The following MTCL1 variants were observed in gnomAD, a reference collection of about 807,000 sequenced individuals.
The protein encoded by MTCL1 is microtubule cross-linking factor 1.
In MTCL1, 79 loss-of-function variants were observed where a neutral mutation model predicts 141.4. That is an observed-to-expected ratio of 0.56 (90% CI 0.47 to 0.67). The LOEUF (loss-of-function observed/expected upper bound fraction) is 0.67, where lower values mean the gene tolerates loss of function less well. Among genes scored for constraint, MTCL1 ranks in the 30% least tolerant of loss-of-function variants. MTCL1 has a pLI of 0.00. For missense variants in MTCL1, 2,177 were observed against 2,113.9 expected (o/e 1.03, Z -0.59); for synonymous variants, 914 against 875.8 (o/e 1.04, Z -0.77).
rs1198308831 is a variant in MTCL1, at chr18:8,724,524, C to T, written c.357+4028C>T. 5.3e-5 allele frequency among the ~76,000 whole-genome samples: 8 copies of T among 152,340 alleles called. 1 individual carries two copies. In the South Asian group the frequency reaches 8.3e-4, roughly 16 times the overall value. Reference sequence around the variant, plus strand: ...GCTGAAAGTGTAGGCTGACCATACACGTTGAATGTGTACACGATTTCTAGT... The same window carrying T: ...GCTGAAAGTGTAGGCTGACCATACATGTTGAATGTGTACACGATTTCTAGT... On this transcript the variant is annotated intron_variant, in intron 4 of 16. Coordinates refer to ENST00000359865, the Ensembl canonical transcript of MTCL1.
rs375222629 is a variant in MTCL1, at chr18:8,824,684, T to C, written c.3189-15T>C. ...CCCTGGCAGGTACTGACACCCTCTT[T>C]TCTGCTTTTCCCAGGGCGGTGTCCG... On this transcript the variant is annotated splice_polypyrimidine_tract_variant and intron_variant, in intron 14 of 16. Coordinates refer to ENST00000359865, the Ensembl canonical transcript of MTCL1. The C allele has an allele frequency of 1.5e-5, 24 of 1,594,122 alleles. No homozygotes were observed. Among genetic ancestry groups the C allele is most frequent in the Admixed American group, 3.4e-5 (2 of 58,880 alleles).
At position 8,824,753 on chromosome 18, in the gene MTCL1, C is replaced by T. The variant is rs767864602; in HGVS notation, c.3243C>T (p.Pro1081=). The T allele has an allele frequency of 1.7e-5, 28 of 1,614,124 alleles. No homozygotes were observed. The Middle Eastern group carries it at 1.2e-3, about 67-fold the overall frequency. ...TCCAGCGTCTAATGGACATCTCCCC[C>T]TTCCTGCCTGAGAAGGGCCTGCCGT... is the stretch of plus-strand genomic sequence containing the variant. Residue 1081 remains proline (P), a synonymous_variant, in exon 15 of 17, where the codon CCC becomes CCT. Transcript: ENST00000359865.
intron 4 of MTCL1, among the ~76,000 whole-genome samples, chr18:8,746,906 A>G (rs1027845212): frequency 1.3e-5 from 2 of 152,182 alleles, no homozygotes; most frequent in Non-Finnish European, 2.9e-5. Flanking sequence ...TCTATTCTCA[A>G]AGAAAGGAGA....
At chr18:8,718,674 C>T (rs200353696) in intron 3 of MTCL1, 26 bp downstream of exon 2, 4 of 1,605,442 alleles carry the variant, frequency 2.5e-6, no homozygotes, top group Admixed American at 1.7e-5. Context: ...GTGCGTGCAC[C>T]TCGCAAGGCT....
At chr18:8,739,717 T>TTTTG (rs910627624) in intron 4 of MTCL1, among the ~76,000 whole-genome samples, 7 of 119,162 alleles carry the variant, frequency 5.9e-5, no homozygotes, top group South Asian at 6.6e-4. Context: ...AAGGAGATTG[T>TTTTG]TTTGTTTGTT....
chr18:8,759,993 T>C (rs2096422568), intron 4 of MTCL1, among the ~76,000 whole-genome samples: 1 of 152,122 alleles, frequency 6.6e-6, no homozygotes, highest in Admixed American at 6.5e-5. Context: ...TGCTGTAAAG[T>C]AGGTCAGAAG....
chr18:8,755,150 C>T (rs1200797024), intron 4 of MTCL1, among the ~76,000 whole-genome samples: 1 of 152,226 alleles, frequency 6.6e-6, no homozygotes, highest in Non-Finnish European at 1.5e-5. Context: ...ATGGTAACTT[C>T]TTAATGCATA....
chr18:8,715,124 T>C (rs1193708713), upstream of MTCL1, among the ~76,000 whole-genome samples: 2 of 152,194 alleles, frequency 1.3e-5, no homozygotes, highest in Non-Finnish European at 2.9e-5. Context: ...ACAACTAATG[T>C]TGGTGATTAT....
rs183566178 is a variant in MTCL1, at chr18:8,828,323, C to T, written c.4723-585C>T. Reference sequence around the variant, plus strand: ...CTGCACTGTCATCCCATAAGCCACTCGGGCCTCTTTTTCTCTTGACACCAT... The same window carrying T: ...CTGCACTGTCATCCCATAAGCCACTTGGGCCTCTTTTTCTCTTGACACCAT... On this transcript the variant is annotated intron_variant, in intron 15 of 16. Coordinates refer to ENST00000359865, the Ensembl canonical transcript of MTCL1. The surrounding 1 kb of genome is among the most constrained non-coding windows in gnomAD (Gnocchi z 5.2). Among the ~76,000 whole-genome samples the T allele has an allele frequency of 3.3e-5, 5 of 152,294 alleles. No homozygotes were observed. The highest frequency in any genetic ancestry group is 1.9e-4 in the East Asian group (1 of 5,186).
chr18:8,722,220 T>C (rs2096177985), intron 4 of MTCL1, among the ~76,000 whole-genome samples: 1 of 152,104 alleles, frequency 6.6e-6, no homozygotes, highest in Admixed American at 6.5e-5. Flanking sequence ...TAGAAAATAG[T>C]TTACAGTTGA....
At chr18:8,809,515 G>T (rs1234078506) in intron 11 of MTCL1, 1 of 1,536,212 alleles carries the variant, frequency 6.5e-7, no homozygotes, top group Admixed American at 2.0e-5. Context: ...CTGCCAGCTG[G>T]GTCCACGGTA....
chr18:8,787,324 G>C (rs1397892288), intron 7 of MTCL1: 1 of 152,336 alleles, frequency 6.6e-6, no homozygotes, highest in Non-Finnish European at 1.5e-5. Context: ...CAGGTCTTCA[G>C]ATGAAGTCTC....
Position 8,705,781 on chromosome 18 carries a change from G to T in MTCL1, c.121G>T (p.Ala41Ser). 4 of 1,198,054 alleles carry T rather than the reference G, an allele frequency of 3.3e-6. No homozygotes were observed. The highest frequency in any genetic ancestry group is 4.1e-6 in the Non-Finnish European group (4 of 965,676). 74.2% of individuals were successfully genotyped at this position (1,198,054 alleles called of 1,614,324 possible). A position where few individuals can be genotyped will look rare whatever the true frequency, so the allele number is the denominator to read the frequency against. Reference sequence around the variant, plus strand: ...GGCCGAAAGGCGGCGGCTGCACCGTGCGCCCTCGCCCGCCAGACCCTTCCT... The same window carrying T: ...GGCCGAAAGGCGGCGGCTGCACCGTTCGCCCTCGCCCGCCAGACCCTTCCT... Residue 41 changes from alanine to serine, a missense_variant, in exon 1 of 14, where the codon GCG becomes TCG. Physicochemically the swap from Ala to Ser is moderately conservative, Grantham distance 99. Transcript: ENST00000306329. This position sits in a 1 kb window ranked among gnomAD's most constrained non-coding sequence, Gnocchi z 5.2.
chr18:8,739,429 C>CT (rs1226824931), intron 4 of MTCL1, among the ~76,000 whole-genome samples: 2 of 152,160 alleles, frequency 1.3e-5, no homozygotes, highest in African/African-American at 4.8e-5. Context: ...TATGAATGCG[C>CT]TTCCCCCTAA....
At chr18:8,829,882 A>G in intron 16 of MTCL1, 1 of 985,260 alleles carries the variant, frequency 1.0e-6, no homozygotes. Context: ...GATTCCCTTG[A>G]ATGCAGACTC....
intron 4 of MTCL1, among the ~76,000 whole-genome samples, chr18:8,758,787 G>T (rs1429444659): frequency 1.3e-5 from 2 of 152,152 alleles, no homozygotes; most frequent in Non-Finnish European, 2.9e-5. Flanking sequence ...ATAATGGGTG[G>T]CACAAGGAAA....
chr18:8,706,393 C>A, exon 1 of MTCL1: 2 of 1,229,350 alleles, frequency 1.6e-6, no homozygotes, highest in Admixed American at 8.5e-5. Flanking sequence ...CGACCGTGAA[C>A]CCCCACGAGG....
chr18:8,784,350 G>T lies in MTCL1; in HGVS notation c.1238G>T (p.Gly413Val), dbSNP rs761631596. The T allele has an allele frequency of 8.4e-6, 13 of 1,539,396 alleles. No homozygotes were observed. Among genetic ancestry groups the T allele is most frequent in the Non-Finnish European group, 1.1e-5 (13 of 1,141,174 alleles). Residue 413 changes from glycine (G) to valine (V), a missense_variant, in exon 6 of 17, where the codon GGC (glycine) becomes GTC (valine). Transcript: ENST00000359865. ...CAGCCCAAGCGGGAAGGGCCTGTTG[G>T]CGGGGAGAGTGACTCGGAGGAAATG...
At position 8,784,628 on chromosome 18, in the gene MTCL1, C is replaced by A. The variant is rs1282152213; in HGVS notation, c.1516C>A (p.Gln506Lys). The A allele has an allele frequency of 2.5e-6, 4 of 1,613,572 alleles. No individual in the cohort carries two copies. In the African/African-American group the frequency reaches 5.3e-5, roughly 22 times the overall value. The change falls in exon 6 of 17, where the codon CAG becomes AAG. Residue 506 changes from glutamine to lysine, a missense_variant. Coordinates refer to ENST00000359865, the Ensembl canonical transcript of MTCL1. ...CGAAGAGGAGCAGGGTGAGGGGGAC[C>A]AGCAGGAGCCCCAGCTGCTGGGGAC...
Sources: gnomAD v4.1 joint callset for allele counts (sites outside exome capture counted in the v4.1 genomes callset) on GRCh38, gnomAD v4.1.1 for gene constraint, Gnocchi (gnomAD v3.1) non-coding constraint, MANE v1.5 for transcripts, NCBI Gene and HGNC (gene_info 2026-07-23, HGNC 2026-07-21) for gene names.